Variants in PARD3B observed in about 807,000 individuals in gnomAD.
The protein encoded by PARD3B is par-3 family cell polarity regulator beta.
A neutral mutation model predicts 130.2 loss-of-function variants in PARD3B; 103 were observed. The ratio of observed to expected loss-of-function variants is 0.79; its 90% CI spans 0.67 to 0.93. PARD3B has a LOEUF of 0.93. Among genes scored for constraint, PARD3B ranks in the 40% least tolerant of loss-of-function variants. The pLI is 0.00. For missense variants in PARD3B, 1,609 were observed against 1,499.2 expected, an observed-to-expected ratio of 1.07 and a Z score of -1.21; for synonymous variants, 583 against 553.2, an observed-to-expected ratio of 1.05 and a Z score of -0.76.
intron 16 of PARD3B, among the ~76,000 whole-genome samples, chr2:205,254,255 C>A (rs958155450): frequency 6.6e-6 from 1 of 151,896 alleles, no homozygotes; most frequent in African/African-American, 2.4e-5. Flanking sequence ...TGTTTTAAAT[C>A]TTAAGTTTTT....
chr2:205,119,493 G>A (rs772657603), intron 7 of PARD3B, among the ~76,000 whole-genome samples: 5 of 152,002 alleles, frequency 3.3e-5, no homozygotes, highest in Non-Finnish European at 5.9e-5. Context: ...ATAAAATACC[G>A]TCTCCTGGCC....
intron 2 of PARD3B, among the ~76,000 whole-genome samples, chr2:204,858,202 C>T (rs1446282314): frequency 6.6e-6 from 1 of 151,824 alleles, no homozygotes; most frequent in Non-Finnish European, 1.5e-5. Context: ...TCATATTAAC[C>T]TTAGTTTTCA....
At chr2:205,051,077 G>T (rs952342397) in intron 4 of PARD3B, among the ~76,000 whole-genome samples, 1 of 152,120 alleles carries the variant, frequency 6.6e-6, no homozygotes, top group Non-Finnish European at 1.5e-5. Flanking sequence ...GAAACCTTGG[G>T]AACATAACAA....
chr2:205,260,949 C>T (rs1386624712), intron 16 of PARD3B, among the ~76,000 whole-genome samples: 1 of 149,678 alleles, frequency 6.7e-6, no homozygotes, highest in African/African-American at 2.5e-5. Flanking sequence ...CATTGTGTCC[C>T]CTCCCAAGCT....
chr2:204,837,250 G>A (rs1000596971), intron 2 of PARD3B, among the ~76,000 whole-genome samples: 2 of 151,786 alleles, frequency 1.3e-5, no homozygotes, highest in African/African-American at 2.4e-5. Flanking sequence ...TAGACAGTAC[G>A]TAGTTCAAAG....
chr2:205,373,736 G>T (rs947665843), intron 18 of PARD3B, among the ~76,000 whole-genome samples: 1 of 152,114 alleles, frequency 6.6e-6, no homozygotes, highest in African/African-American at 2.4e-5. Context: ...GATTTTTCTT[G>T]ATCCGCAACT....
In PARD3B at chr2:205,399,601, T is replaced by C. The variant is rs561490005; in HGVS notation, c.2631-1412T>C. On this transcript the variant is annotated intron_variant, in intron 18 of 22. Transcript: ENST00000406610. ...AACTCCTGACCTCAGGTGATCCACC[T>C]GCCTTGGCCTCCCAAAGTGCTGGGA... Among the ~76,000 whole-genome samples, 6 of 152,274 alleles carry C rather than the reference T, an allele frequency of 3.9e-5. No homozygotes were observed. In the South Asian group the frequency reaches 1.0e-3, roughly 26 times the overall value.
chr2:205,300,410 A>G lies in PARD3B; in HGVS notation c.2186-120A>G. 2 of 895,724 alleles carry G rather than the reference A, an allele frequency of 2.2e-6. No individual in the cohort carries two copies. The highest frequency in any genetic ancestry group is 1.6e-5 in the South Asian group (1 of 63,468). The allele number at this position is 895,724 out of a possible 1,614,324, so 55.5% of individuals were successfully genotyped here. A position where few individuals can be genotyped will look rare whatever the true frequency, so the allele number is the denominator to read the frequency against. On this transcript the variant is annotated intron_variant, in intron 16 of 22. Coordinates refer to ENST00000406610, the MANE Select transcript of PARD3B (RefSeq NM_001302769.2). This position sits in a 1 kb window ranked among gnomAD's most constrained non-coding sequence, Gnocchi z 4.1. The stretch of plus-strand genomic sequence containing the variant: ...GTGGCAAAGCTGGAGTATAACCCCA[A>G]CTCCCACCCACTTAACACCCCTTTT...
rs763101907 is a variant in PARD3B, at chr2:204,967,481, G to A, written c.394+2158G>A. ...ATGTAATATAACTCCCCTGCTTAAC[G>A]ACCTTCACTGGCTTCCCATCACCCT... On this transcript the variant is annotated intron_variant, in intron 3 of 22. Transcript: ENST00000406610. The surrounding 1 kb of genome is among the most constrained non-coding windows in gnomAD (Gnocchi z 4.4). 4.6e-5 allele frequency among the ~76,000 whole-genome samples: 7 copies of A among 152,042 alleles called. No homozygotes were observed. The highest frequency in any genetic ancestry group is 1.0e-4 in the Non-Finnish European group (7 of 68,010).
At position 205,105,303 on chromosome 2, in the gene PARD3B, TCTA is replaced by T. The variant is rs1379797561; in HGVS notation, c.593+796_593+798del. 2.6e-5 allele frequency among the ~76,000 whole-genome samples: 4 copies of T among 152,222 alleles called. No homozygotes were observed. The highest frequency in any genetic ancestry group is 4.1e-4 in the South Asian group (2 of 4,832). ...AATCCTGTGAGTGTTTGCTGCTGTT[TCTA>T]CTACTATCATTAATATCACATCATC... is the stretch of plus-strand genomic sequence containing the variant. On this transcript the variant is annotated intron_variant, in intron 5 of 22. Coordinates refer to ENST00000406610, the MANE Select transcript of PARD3B (RefSeq NM_001302769.2). This position sits in a 1 kb window ranked among gnomAD's most constrained non-coding sequence, Gnocchi z 4.0.
chr2:204,912,610 A>AT (rs1451724333), intron 2 of PARD3B, among the ~76,000 whole-genome samples: 3 of 152,182 alleles, frequency 2.0e-5, no homozygotes, highest in Non-Finnish European at 4.4e-5. Flanking sequence ...ATTAAGAACA[A>AT]TTGAGAATTG....
chr2:204,666,957 A>G (rs2036052359), intron 1 of PARD3B, among the ~76,000 whole-genome samples: 1 of 152,170 alleles, frequency 6.6e-6, no homozygotes. Context: ...TTGGATGTAA[A>G]GGCTGAGCAG....
At chr2:205,175,488 A>T (rs1261173906) in intron 12 of PARD3B, among the ~76,000 whole-genome samples, 6 of 152,240 alleles carry the variant, frequency 3.9e-5, no homozygotes, top group Non-Finnish European at 8.8e-5. Context: ...GACTAGCTCA[A>T]CACTGAATTT....
chr2:205,500,092 A>C (rs2106342021), intron 21 of PARD3B, 61 bp downstream of exon 21: 1 of 1,574,000 alleles, frequency 6.4e-7, no homozygotes, highest in South Asian at 1.1e-5. Flanking sequence ...TTAGAGCAGA[A>C]GAACACGGTC....
intron 21 of PARD3B, among the ~76,000 whole-genome samples, chr2:205,523,221 G>T (rs1553536832): frequency 1.6e-5 from 2 of 121,250 alleles, no homozygotes; most frequent in Admixed American, 9.0e-5. Context: ...GTGTGTGTGT[G>T]TGTGTATATA....
intron 1 of PARD3B, among the ~76,000 whole-genome samples, chr2:204,639,477 C>T (rs2034999283): frequency 6.6e-6 from 1 of 152,152 alleles, no homozygotes. Flanking sequence ...CAACGAAATG[C>T]AGATCGAAAA....
chr2:205,524,552 G>A (rs1233937308), intron 21 of PARD3B, among the ~76,000 whole-genome samples: 4 of 152,112 alleles, frequency 2.6e-5, no homozygotes. Context: ...GTCCTCTATT[G>A]CCTGTGGCTG....
At chr2:205,168,383 C>T (rs10181763) in intron 11 of PARD3B, among the ~76,000 whole-genome samples, 25,572 of 150,112 alleles carry the variant, frequency 0.17, 2,296 homozygotes, top group Middle Eastern at 0.22. Flanking sequence ...AATTACCAAG[C>T]AACATCCTTG....
chr2:204,780,390 C>T (rs1163471038), intron 2 of PARD3B, among the ~76,000 whole-genome samples: 1 of 151,948 alleles, frequency 6.6e-6, no homozygotes, highest in African/African-American at 2.4e-5. Context: ...TAGTTATGGG[C>T]AAATAATCGG....
Sources: allele counts gnomAD v4.1 joint callset (sites outside exome capture counted in the v4.1 genomes callset), GRCh38; gene constraint gnomAD v4.1.1; non-coding constraint Gnocchi (gnomAD v3.1); transcripts MANE v1.5; gene names NCBI Gene and HGNC (gene_info 2026-07-23, HGNC 2026-07-21).